The following AKAP19 variants were observed in gnomAD, a reference collection of about 807,000 sequenced individuals.
The protein encoded by AKAP19 is A-kinase anchoring protein 19, also known as small A-kinase anchoring protein.
At chr2:189,904,650 T>C in the AKAP19 span, among the ~76,000 whole-genome samples, 1 of 152,024 alleles carries the variant, frequency 6.6e-6, no homozygotes, top group East Asian at 1.9e-4. Flanking sequence ...TCCAAATTTT[T>C]ATGCAGTTAT....
chr2:189,927,781 T>A, the AKAP19 span, among the ~76,000 whole-genome samples: 1 of 152,184 alleles, frequency 6.6e-6, no homozygotes, highest in Non-Finnish European at 1.5e-5. Flanking sequence ...TGCTGTTCAG[T>A]CTGGTGGCCA....
chr2:190,200,479 A>C, the AKAP19 span: 2 of 214,386 alleles, frequency 9.3e-6, no homozygotes. Context: ...CCAAATTCCA[A>C]TGGTTGAAGT....
chr2:190,064,934 C>G, the AKAP19 span, among the ~76,000 whole-genome samples: 1 of 152,100 alleles, frequency 6.6e-6, no homozygotes, highest in South Asian at 2.1e-4. Flanking sequence ...TGCCTACTTG[C>G]TAAAATTTAT....
the AKAP19 span, among the ~76,000 whole-genome samples, chr2:190,186,233 T>C: frequency 6.6e-6 from 1 of 152,236 alleles, no homozygotes; most frequent in Non-Finnish European, 1.5e-5. The surrounding 1 kb of genome is among the most constrained non-coding windows in gnomAD (Gnocchi z 5.5). Context: ...ATTACAGGCG[T>C]GAGCCACCAT....
chr2:189,973,117 G>A, the AKAP19 span, among the ~76,000 whole-genome samples: 2 of 152,222 alleles, frequency 1.3e-5, no homozygotes, highest in Middle Eastern at 3.4e-3. Flanking sequence ...TTGGCTGTGG[G>A]TTTGTCATAA....
the AKAP19 span, among the ~76,000 whole-genome samples, chr2:190,013,358 T>C: frequency 6.6e-6 from 1 of 152,144 alleles, no homozygotes; most frequent in East Asian, 1.9e-4. Flanking sequence ...TGTCTAGGAA[T>C]GTATTTCTTC....
At chr2:189,902,290 A>G in the AKAP19 span, among the ~76,000 whole-genome samples, 1 of 151,876 alleles carries the variant, frequency 6.6e-6, no homozygotes, top group African/African-American at 2.4e-5. Context: ...CCTCCTGAGC[A>G]TTATTGCTAG....
chr2:189,932,727 T>A, the AKAP19 span, among the ~76,000 whole-genome samples: 2 of 148,404 alleles, frequency 1.3e-5, no homozygotes, highest in South Asian at 2.1e-4. Flanking sequence ...AAAAAAAGAA[T>A]CCATTACTAT....
At chr2:190,196,604 C>T in the AKAP19 span, among the ~76,000 whole-genome samples, 1 of 150,150 alleles carries the variant, frequency 6.7e-6, no homozygotes, top group Non-Finnish European at 1.5e-5. Context: ...GAATGGTAGG[C>T]ATTGTGAATA....
the AKAP19 span, among the ~76,000 whole-genome samples, chr2:190,029,184 C>G: frequency 6.6e-6 from 1 of 151,956 alleles, no homozygotes; most frequent in African/African-American, 2.4e-5. Flanking sequence ...TCCTGAGTAG[C>G]TGGGATTACA....
At chr2:190,132,959 T>TAA in the AKAP19 span, among the ~76,000 whole-genome samples, 1 of 151,806 alleles carries the variant, frequency 6.6e-6, no homozygotes. Context: ...TAAGCCAATT[T>TAA]AAAAATGTGC....
chr2:190,183,792 C>T, the AKAP19 span, among the ~76,000 whole-genome samples: 1 of 151,808 alleles, frequency 6.6e-6, no homozygotes, highest in East Asian at 1.9e-4. Flanking sequence ...AATGTGAAGG[C>T]ATGGACTATT....
chr2:190,098,958 T>C, the AKAP19 span, among the ~76,000 whole-genome samples: 2 of 152,222 alleles, frequency 1.3e-5, no homozygotes, highest in African/African-American at 4.8e-5. Context: ...CTCATCTCTC[T>C]CAGCTTTCAC....
At chr2:189,935,819 T>C in the AKAP19 span, among the ~76,000 whole-genome samples, 1 of 152,150 alleles carries the variant, frequency 6.6e-6, no homozygotes, top group Non-Finnish European at 1.5e-5. Context: ...ATGTGTATAA[T>C]ATTAAAAAAT....
At chr2:190,193,237 A>G in the AKAP19 span, among the ~76,000 whole-genome samples, 14 of 152,044 alleles carry the variant, frequency 9.2e-5, no homozygotes, top group South Asian at 4.2e-4. Flanking sequence ...TTTTTATGTT[A>G]ATATAGTGAA....
the AKAP19 span, among the ~76,000 whole-genome samples, chr2:189,999,877 G>T: frequency 2.0e-5 from 3 of 152,310 alleles, no homozygotes; most frequent in Admixed American, 2.0e-4. Flanking sequence ...GACATATGAC[G>T]TAATGTGACT....
At chr2:190,084,622 A>G in the AKAP19 span, among the ~76,000 whole-genome samples, 1 of 152,362 alleles carries the variant, frequency 6.6e-6, no homozygotes, top group African/African-American at 2.4e-5. Context: ...ACTGAGATTC[A>G]GTCATTTAAT....
the AKAP19 span, among the ~76,000 whole-genome samples, chr2:189,947,673 T>G: frequency 6.6e-6 from 1 of 152,126 alleles, no homozygotes; most frequent in Non-Finnish European, 1.5e-5. Context: ...ATCATCATTA[T>G]TAAGTGATAA....
the AKAP19 span, among the ~76,000 whole-genome samples, chr2:190,168,040 C>A: frequency 3.9e-5 from 6 of 152,210 alleles, no homozygotes. Context: ...CAGAGGTTCT[C>A]CATGAGGGCC....
Sources: allele counts gnomAD v4.1 joint callset (sites outside exome capture counted in the v4.1 genomes callset), GRCh38; gene constraint gnomAD v4.1.1; non-coding constraint Gnocchi (gnomAD v3.1); transcripts MANE v1.5; gene names NCBI Gene and HGNC (gene_info 2026-07-23, HGNC 2026-07-21).